Variants in KDM3B observed in about 807,000 individuals in gnomAD.
KDM3B encodes the protein lysine demethylase 3B, also known as lysine-specific demethylase 3B.
In KDM3B, 10 loss-of-function variants were observed where a neutral mutation model predicts 170.0. That is an observed-to-expected ratio of 0.06 (90% confidence interval 0.04 to 0.10). The LOEUF (loss-of-function observed/expected upper bound fraction) is 0.10. Ranked by LOEUF, KDM3B falls within the 10% of genes least tolerant of loss-of-function variation. The pLI is 1.00. For synonymous variants in KDM3B, 831 were observed against 834.8 expected, an observed-to-expected ratio of 1.00 and a Z score of 0.08; for missense variants, 1,394 against 2,195.2, an observed-to-expected ratio of 0.64 and a Z score of 7.29.
intron 20 of KDM3B, 146 bp downstream of exon 20, chr5:138,428,232 A>C: frequency 1.2e-6 from 1 of 855,460 alleles, no homozygotes; most frequent in African/African-American, 1.8e-5. Flanking sequence ...GCGGGGAGGC[A>C]GAGTCTCGCT....
In KDM3B at chr5:138,400,009, A is replaced by T. The variant is rs776755163; in HGVS notation, c.3196A>T (p.Ser1066Cys). 1.9e-6 allele frequency: 3 copies of T among 1,614,164 alleles called. No homozygotes were observed. In the South Asian group the frequency reaches 3.3e-5, roughly 18 times the overall value. Reference sequence around the variant, plus strand: ...CCGGCTCAGGAAAAGCCGGCCACGCAGTGGTAAGTAAACATTGTCCTGTGT... The same window carrying T: ...CCGGCTCAGGAAAAGCCGGCCACGCTGTGGTAAGTAAACATTGTCCTGTGT... ...CYRLRKSRPRSETEEMGDEEV... is the reference protein window; with the variant it reads ...CYRLRKSRPRCETEEMGDEEV... The change falls in exon 11 of 24, where the codon AGT becomes TGT. Residue 1066 changes from serine to cysteine, a missense_variant. By Grantham distance (112) the Ser-to-Cys change is moderately radical (BLOSUM62 -1). This residue lies in a region of KDM3B where 44 missense variants were observed against 71.1 expected (regional missense o/e 0.62). Coordinates refer to ENST00000314358, the MANE Select transcript of KDM3B (RefSeq NM_016604.4).
chr5:138,381,440 T>A, intron 5 of KDM3B, 76 bp from the exon 6 acceptor site: 6 of 930,544 alleles, frequency 6.4e-6, no homozygotes, highest in Non-Finnish European at 1.0e-5. Context: ...AAAGAGATAA[T>A]TACATTGATT....
intron 1 of KDM3B, among the ~76,000 whole-genome samples, chr5:138,357,051 G>C (rs556273861): frequency 2.6e-5 from 4 of 151,740 alleles, no homozygotes; most frequent in South Asian, 4.2e-4. Context: ...ACAGAGTCTT[G>C]CTCTGTCTCC....
intron 1 of KDM3B, among the ~76,000 whole-genome samples, chr5:138,363,000 G>A (rs957930947): frequency 6.6e-6 from 1 of 151,418 alleles, no homozygotes; most frequent in Non-Finnish European, 1.5e-5. Flanking sequence ...TGGGTTCTGG[G>A]TATTTACTTT....
chr5:138,399,768 A>C, intron 10 of KDM3B, 92 bp from the exon 11 acceptor site: 1 of 1,194,074 alleles, frequency 8.4e-7, no homozygotes, highest in South Asian at 1.7e-5. Context: ...TTTATTGCTG[A>C]ACAAAATAGC....
intron 15 of KDM3B, among the ~76,000 whole-genome samples, chr5:138,423,694 G>A (rs1305662587): frequency 6.6e-6 from 1 of 152,130 alleles, no homozygotes; most frequent in Non-Finnish European, 1.5e-5. Context: ...TGCTGGTTAG[G>A]AAAAATTTAG....
chr5:138,388,547 G>C (rs985755249), intron 7 of KDM3B, among the ~76,000 whole-genome samples: 1 of 151,640 alleles, frequency 6.6e-6, no homozygotes, highest in East Asian at 1.9e-4. Flanking sequence ...CAGGAGAATG[G>C]CGTGAACCCG....
chr5:138,372,795 T>C lies in KDM3B; in HGVS notation c.314T>C (p.Val105Ala). Residue 105 changes from valine to alanine, a missense_variant, in exon 2 of 24, where the codon GTC (valine) becomes GCC (alanine). By Grantham distance (64) the Val-to-Ala change is moderately conservative. Coordinates refer to ENST00000314358, the MANE Select transcript of KDM3B (RefSeq NM_016604.4). ...SLVWAPREDP[V>A]LLQGIRVSIA... ...GTATGGGCGCCCCGTGAGGACCCAG[T>C]CCTTCTCCAGGGCATTCGAGTCTCC... is the stretch of plus-strand genomic sequence containing the variant. The C allele has an allele frequency of 6.2e-7, 1 of 1,614,148 alleles. No individual in the cohort carries two copies. Among genetic ancestry groups the C allele is most frequent in the Non-Finnish European group, 8.5e-7 (1 of 1,180,030 alleles).
At chr5:138,432,676 AAAAAG>A (rs1412781375) in intron 23 of KDM3B, among the ~76,000 whole-genome samples, 1 of 152,132 alleles carries the variant, frequency 6.6e-6, no homozygotes, top group Non-Finnish European at 1.5e-5. Flanking sequence ...CTCAAAGAAA[AAAAAG>A]AATAAGGAAG....
intron 1 of KDM3B, among the ~76,000 whole-genome samples, chr5:138,358,809 ATACTTT>A (rs1761523329): frequency 7.2e-6 from 1 of 138,630 alleles, no homozygotes; most frequent in Non-Finnish European, 1.6e-5. Context: ...TATTATTATT[ATACTTT>A]AAGTTTTAGG....
At chr5:138,405,276 C>T (rs975622956) in intron 11 of KDM3B, among the ~76,000 whole-genome samples, 9 of 142,608 alleles carry the variant, frequency 6.3e-5, no homozygotes, top group South Asian at 2.3e-4. Context: ...CTCCTGATCT[C>T]GTGATCCACC....
At chr5:138,420,076 C>T (rs533190872) in intron 14 of KDM3B, among the ~76,000 whole-genome samples, 22 of 152,136 alleles carry the variant, frequency 1.4e-4, no homozygotes, top group East Asian at 9.7e-4. Context: ...TTAATAGAGA[C>T]GAGGTTTCTC....
chr5:138,365,024 A>G (rs1398035320), intron 1 of KDM3B, among the ~76,000 whole-genome samples: 1 of 152,250 alleles, frequency 6.6e-6, no homozygotes, highest in Non-Finnish European at 1.5e-5. Flanking sequence ...ATTTGAAAAC[A>G]GAGATATTCA....
chr5:138,388,093 C>T (rs573539142), intron 7 of KDM3B, among the ~76,000 whole-genome samples: 1 of 150,978 alleles, frequency 6.6e-6, no homozygotes, highest in Non-Finnish European at 1.5e-5. Flanking sequence ...AAAAACAAAA[C>T]AAAACAAAAA....
In KDM3B at chr5:138,424,463, C is replaced by T. The variant is rs951762066; in HGVS notation, c.4239+122C>T. 20 of 1,146,818 alleles carry T rather than the reference C, an allele frequency of 1.7e-5. No homozygotes were observed. The African/African-American group carries it at 2.8e-4, about 16-fold the overall frequency. 71.0% of individuals were successfully genotyped at this position (1,146,818 alleles called of 1,614,324 possible). A position where few individuals can be genotyped will look rare whatever the true frequency, so the allele number is the denominator to read the frequency against. The stretch of plus-strand genomic sequence containing the variant: ...GACATAGTGAGGTTATTGTAATAGC[C>T]TTGCTACTTCGAGTTGTCTTGGATT... On this transcript the variant is annotated intron_variant, in intron 16 of 23. Coordinates refer to ENST00000314358, the MANE Select transcript of KDM3B (RefSeq NM_016604.4).
At chr5:138,419,767 A>G (rs1302306784) in intron 14 of KDM3B, among the ~76,000 whole-genome samples, 2 of 141,332 alleles carry the variant, frequency 1.4e-5, no homozygotes, top group Non-Finnish European at 3.1e-5. Context: ...ACACACACAC[A>G]TATATATGAG....
Position 138,377,731 on chromosome 5 carries a change from T to G in KDM3B, c.486T>G (p.Asp162Glu), listed in dbSNP as rs142142267. 15 of 1,612,746 alleles carry G rather than the reference T, an allele frequency of 9.3e-6. No homozygotes were observed. Among genetic ancestry groups the G allele is most frequent in the African/African-American group, 8.0e-5 (6 of 75,030 alleles). Residue 162 changes from aspartate to glutamate, a missense_variant, in exon 4 of 24, where the codon GAT (aspartate) becomes GAG (glutamate). Physicochemically the swap from Asp to Glu is conservative, Grantham distance 45. This residue lies in a region of KDM3B where 166 missense variants were observed against 216.4 expected (regional missense o/e 0.77). Coordinates refer to ENST00000314358, the MANE Select transcript of KDM3B (RefSeq NM_016604.4). ...NGLHLFQMGT[D>E]SQNQILLEHA... ...TTTATCTTTACCAGATGGGAACAGA[T>G]AGCCAAAACCAGATTCTTTTGGAAC...
chr5:138,414,803 A>G (rs774425609), intron 11 of KDM3B, among the ~76,000 whole-genome samples: 9 of 152,136 alleles, frequency 5.9e-5, no homozygotes, highest in Non-Finnish European at 7.4e-5. Context: ...AAAAAAATAC[A>G]AACATTAGTT....
intron 4 of KDM3B, 136 bp from the exon 5 acceptor site, chr5:138,379,448 C>T: frequency 3.0e-6 from 2 of 656,578 alleles, no homozygotes; most frequent in South Asian, 2.8e-5. Flanking sequence ...TCTGGAATTG[C>T]TCATTTGTTC....
Sources: gnomAD v4.1 joint callset for allele counts (sites outside exome capture counted in the v4.1 genomes callset) on GRCh38, gnomAD v4.1.1 for gene constraint, gnomAD v4.1.1 regional missense constraint, MANE v1.5 for transcripts, NCBI Gene and HGNC (gene_info 2026-07-23, HGNC 2026-07-21) for gene names.